DNER: variants seen among roughly 807,000 people sequenced by gnomAD.
The protein encoded by DNER is delta/notch like EGF repeat containing, also known as delta and Notch-like epidermal growth factor-related receptor.
DNER carries 33 observed loss-of-function variants against 78.2 expected under a neutral mutation model. The ratio of observed to expected loss-of-function variants is 0.42; its 90% confidence interval spans 0.32 to 0.56. The LOEUF is 0.56. Among genes scored for constraint, DNER ranks in the 20% least tolerant of loss-of-function variants. The pLI is 0.11. For synonymous variants in DNER, 417 were observed against 384.8 expected (o/e 1.08, Z -0.98); for missense variants, 918 against 975.3 (o/e 0.94, Z 0.78).
chr2:229,615,161 C>G (rs762035084), intron 1 of DNER, among the ~76,000 whole-genome samples: 16 of 152,120 alleles, frequency 1.1e-4, no homozygotes, highest in Non-Finnish European at 2.2e-4. Context: ...CCTGTAATCC[C>G]AGCACTTTGG....
chr2:229,534,727 T>C (rs2154212904), intron 5 of DNER, among the ~76,000 whole-genome samples: 1 of 152,376 alleles, frequency 6.6e-6, no homozygotes, highest in East Asian at 1.9e-4. Context: ...GCCAGTCTTC[T>C]ATATTGTTTT....
intron 11 of DNER, among the ~76,000 whole-genome samples, chr2:229,373,222 C>G (rs1299927929): frequency 6.6e-6 from 1 of 152,178 alleles, no homozygotes; most frequent in Non-Finnish European, 1.5e-5. Context: ...TACCCAGAAT[C>G]TGTAAGAAAC....
chr2:229,449,251 A>T (rs183971533), intron 7 of DNER, among the ~76,000 whole-genome samples: 1 of 152,344 alleles, frequency 6.6e-6, no homozygotes, highest in Non-Finnish European at 1.5e-5. Flanking sequence ...GATTGAAAAG[A>T]AGATACTTAA....
At chr2:229,535,755 T>C (rs367805036) in intron 5 of DNER, among the ~76,000 whole-genome samples, 2 of 152,114 alleles carry the variant, frequency 1.3e-5, no homozygotes, top group African/African-American at 4.8e-5. Context: ...GCGACTCTCC[T>C]GCCTCAGCCT....
chr2:229,417,977 A>C (rs1693686244), intron 9 of DNER, 131 bp downstream of exon 9: 1 of 1,460,308 alleles, frequency 6.8e-7, no homozygotes, highest in South Asian at 1.3e-5. Context: ...CCGATTAATC[A>C]TGCCAGCTTC....
Position 229,608,564 on chromosome 2 carries a change from C to T in DNER, c.277-16676G>A, listed in dbSNP as rs542609305. Among the ~76,000 whole-genome samples, 4 of 152,212 alleles carry T rather than the reference C, an allele frequency of 2.6e-5. No homozygotes were observed. In the East Asian group the frequency reaches 5.8e-4, roughly 22 times the overall value. On this transcript the variant is annotated intron_variant, in intron 1 of 12. Transcript: ENST00000341772. ...CTATATCTGAAAGCCACAGACAAAT[C>T]GCAGAAACACCATAGTGAGTGGGAA...
chr2:229,417,971 T>G (rs1381813060), intron 9 of DNER, 137 bp downstream of exon 9: 4 of 1,423,064 alleles, frequency 2.8e-6, no homozygotes, highest in Non-Finnish European at 3.8e-6. Context: ...CTTGGACCGA[T>G]TAATCATGCC....
At chr2:229,504,424 T>C (rs1242821667) in intron 6 of DNER, among the ~76,000 whole-genome samples, 1 of 152,054 alleles carries the variant, frequency 6.6e-6, no homozygotes, top group Non-Finnish European at 1.5e-5. Flanking sequence ...TTCGCCATAT[T>C]GGCCAGGCTA....
At chr2:229,446,433 G>A (rs1694343369) in intron 8 of DNER, among the ~76,000 whole-genome samples, 1 of 152,196 alleles carries the variant, frequency 6.6e-6, no homozygotes, top group African/African-American at 2.4e-5. Flanking sequence ...GTACAGTGAG[G>A]TGGGGTAACG....
rs148030415 is a variant in DNER, at chr2:229,614,740, T to C, written c.277-22852A>G. Among the ~76,000 whole-genome samples the C allele has an allele frequency of 2.2e-3, 334 of 152,318 alleles. 1 individual carries two copies. Among genetic ancestry groups the C allele is most frequent in the African/African-American group, 7.4e-3 (308 of 41,578 alleles). On this transcript the variant is annotated intron_variant, in intron 1 of 12. Transcript: ENST00000341772. ...CTGCAGACTGGACAGTGACTCTGAA[T>C]TGCATCTTCCTCATATAAAATCTAA... is the stretch of plus-strand genomic sequence containing the variant.
chr2:229,568,382 C>G (rs1030341435), intron 4 of DNER, among the ~76,000 whole-genome samples: 5 of 152,090 alleles, frequency 3.3e-5, no homozygotes, highest in African/African-American at 9.7e-5. Flanking sequence ...CATTTTTAGG[C>G]CCCTGCCTTG....
chr2:229,408,154 T>TAA (rs200459925), intron 9 of DNER, among the ~76,000 whole-genome samples: 1 of 149,702 alleles, frequency 6.7e-6, no homozygotes. Context: ...TTACTTTTTT[T>TAA]AAAAAAAAAA....
At chr2:229,388,501 C>T in intron 10 of DNER, 105 bp from the exon 11 acceptor site, 1 of 1,312,808 alleles carries the variant, frequency 7.6e-7, no homozygotes, top group African/African-American at 1.5e-5. Context: ...TAACCTTTAG[C>T]AATAGAGCCC....
intron 6 of DNER, among the ~76,000 whole-genome samples, chr2:229,493,759 T>C (rs1695450708): frequency 6.6e-6 from 1 of 152,212 alleles, no homozygotes; most frequent in Non-Finnish European, 1.5e-5. Context: ...ATCAGGTACT[T>C]GCATTCCTTC....
intron 6 of DNER, among the ~76,000 whole-genome samples, chr2:229,480,401 T>C (rs1477695844): frequency 6.6e-6 from 1 of 152,222 alleles, no homozygotes; most frequent in African/African-American, 2.4e-5. Context: ...AATATTTCAT[T>C]CCATTTACAA....
At chr2:229,704,667 G>A (rs185707844) in intron 1 of DNER, among the ~76,000 whole-genome samples, 30 of 149,978 alleles carry the variant, frequency 2.0e-4, no homozygotes, top group Admixed American at 5.3e-4. Flanking sequence ...GACTGGGGCC[G>A]GGGAGAGGTT....
intron 8 of DNER, among the ~76,000 whole-genome samples, chr2:229,436,726 G>A (rs1694127756): frequency 6.6e-6 from 1 of 152,162 alleles, no homozygotes; most frequent in African/African-American, 2.4e-5. Context: ...GAAATAAGAT[G>A]CTTTTTGAAC....
chr2:229,468,502 C>T (rs892372427), intron 7 of DNER, among the ~76,000 whole-genome samples: 3 of 152,146 alleles, frequency 2.0e-5, no homozygotes, highest in African/African-American at 7.2e-5. Flanking sequence ...TCTGCCATCC[C>T]ACCCAGGAAC....
intron 5 of DNER, among the ~76,000 whole-genome samples, chr2:229,523,245 C>T (rs1696136261): frequency 6.6e-6 from 1 of 152,232 alleles, no homozygotes. Flanking sequence ...CTCCAGAATG[C>T]TAACAACCCC....
Sources: allele counts gnomAD v4.1 joint callset (sites outside exome capture counted in the v4.1 genomes callset), GRCh38; gene constraint gnomAD v4.1.1; transcripts MANE v1.5; gene names NCBI Gene and HGNC (gene_info 2026-07-23, HGNC 2026-07-21).